Variants in ZC3H12B observed in about 807,000 individuals in gnomAD.
ZC3H12B encodes probable ribonuclease ZC3H12B.
Under a neutral mutation model 43.9 loss-of-function variants are expected in ZC3H12B, and 7 were observed. That is an observed-to-expected ratio of 0.16 (90% CI 0.09 to 0.30). ZC3H12B has a LOEUF of 0.30. Ranked by LOEUF, ZC3H12B falls within the 10% of genes least tolerant of loss-of-function variation. ZC3H12B has a pLI of 1.00. For missense variants in ZC3H12B, 475 were observed against 670.2 expected (o/e 0.71, Z 3.22); for synonymous variants, 222 against 241.7 (o/e 0.92, Z 0.76).
chrX:65,353,998 G>A, the ZC3H12B span, among the ~76,000 whole-genome samples: 1 of 111,545 alleles, frequency 9.0e-6, no homozygotes, highest in African/African-American at 3.3e-5. Flanking sequence ...CATCTCCCTG[G>A]GACAGAGCAC....
At chrX:65,479,350 A>T (rs1435349786) in intron 3 of ZC3H12B, among the ~76,000 whole-genome samples, 1 of 107,642 alleles carries the variant, frequency 9.3e-6, no homozygotes, top group Non-Finnish European at 1.9e-5. Context: ...TTTGTTGTTT[A>T]AATAAACACT....
chrX:65,255,753 A>C, the ZC3H12B span, among the ~76,000 whole-genome samples: 1 of 112,437 alleles, frequency 8.9e-6, no homozygotes, highest in African/African-American at 3.2e-5. Context: ...AAGTTGGATA[A>C]AGAAGCAAGA....
At chrX:65,058,058 C>G in the ZC3H12B span, among the ~76,000 whole-genome samples, 1 of 112,014 alleles carries the variant, frequency 8.9e-6, no homozygotes, top group Non-Finnish European at 1.9e-5. Context: ...GAAGTTTGAT[C>G]GTCTAAAGCT....
At chrX:65,429,816 G>T (rs1475795236) in intron 3 of ZC3H12B, among the ~76,000 whole-genome samples, 2 of 112,191 alleles carry the variant, frequency 1.8e-5, no homozygotes, top group Non-Finnish European at 3.8e-5. Flanking sequence ...CCATAATCTC[G>T]TAAAGCAGCT....
the ZC3H12B span, among the ~76,000 whole-genome samples, chrX:65,192,313 T>C: frequency 8.9e-6 from 1 of 112,080 alleles, no homozygotes; most frequent in Non-Finnish European, 1.9e-5. Context: ...ATAATTTGAC[T>C]TCTTCCATTC....
At chrX:65,458,756 A>G (rs761177765) in intron 3 of ZC3H12B, among the ~76,000 whole-genome samples, 1 of 112,109 alleles carries the variant, frequency 8.9e-6, no homozygotes, top group African/African-American at 3.2e-5. Flanking sequence ...AAGAGAAAGC[A>G]GGAAGGATCG....
intron 3 of ZC3H12B, among the ~76,000 whole-genome samples, chrX:65,475,274 C>T (rs1275370798): frequency 8.9e-6 from 1 of 111,882 alleles, no homozygotes; most frequent in African/African-American, 3.2e-5. Flanking sequence ...TTTCACATCA[C>T]TATTTAGCAT....
At chrX:65,191,079 C>T in the ZC3H12B span, among the ~76,000 whole-genome samples, 1 of 89,788 alleles carries the variant, frequency 1.1e-5, no homozygotes. Context: ...GTCTTTGGCT[C>T]TGTTTATATG....
the ZC3H12B span, among the ~76,000 whole-genome samples, chrX:65,323,750 A>T: frequency 8.9e-6 from 1 of 111,785 alleles, no homozygotes; most frequent in Non-Finnish European, 1.9e-5. Flanking sequence ...CTAGTTCTAG[A>T]TCCTGGAGGA....
chrX:65,496,136 T>C (rs1428397784), intron 1 of ZC3H12B, among the ~76,000 whole-genome samples: 1 of 112,393 alleles, frequency 8.9e-6, no homozygotes, highest in Non-Finnish European at 1.9e-5. Flanking sequence ...AGCTTATACA[T>C]AGGTTTTCTT....
At chrX:65,258,601 T>G in the ZC3H12B span, among the ~76,000 whole-genome samples, 358 of 111,601 alleles carry the variant, frequency 3.2e-3, 2 homozygotes, top group African/African-American at 0.011. Context: ...TAAAGGCTCT[T>G]AAATAGGAAG....
the ZC3H12B span, among the ~76,000 whole-genome samples, chrX:65,100,384 G>T: frequency 9.3e-6 from 1 of 107,016 alleles, no homozygotes; most frequent in South Asian, 4.2e-4. Context: ...AAATACAGAA[G>T]ACACCACTAA....
the ZC3H12B span, among the ~76,000 whole-genome samples, chrX:65,113,500 G>T: frequency 1.8e-5 from 2 of 109,108 alleles, no homozygotes; most frequent in African/African-American, 3.4e-5. Context: ...GGAGTTTGAG[G>T]TTGCAGTGAG....
chrX:65,491,456 C>T (rs1027700706), intron 1 of ZC3H12B, among the ~76,000 whole-genome samples: 4 of 110,979 alleles, frequency 3.6e-5, no homozygotes, highest in South Asian at 3.8e-4. Flanking sequence ...CCTATAATCC[C>T]GACACATTGG....
the ZC3H12B span, chrX:65,331,222 CT>C: frequency 7.3e-6 from 1 of 136,583 alleles, no homozygotes; most frequent in Non-Finnish European, 1.5e-5. Flanking sequence ...TTGGCTCCTC[CT>C]TTGGCATCAT....
chrX:65,314,550 GA>G, the ZC3H12B span, among the ~76,000 whole-genome samples: 2 of 111,996 alleles, frequency 1.8e-5, no homozygotes, highest in African/African-American at 6.5e-5. Context: ...TATATCCAGA[GA>G]AAATATTCTT....
At chrX:65,127,708 G>A in the ZC3H12B span, among the ~76,000 whole-genome samples, 1,723 of 110,678 alleles carry the variant, frequency 0.016, 48 homozygotes, top group African/African-American at 0.054. Flanking sequence ...TGGCTGCTGC[G>A]GAGGATGGGG....
chrX:65,283,957 G>C, the ZC3H12B span, among the ~76,000 whole-genome samples: 1 of 111,339 alleles, frequency 9.0e-6, no homozygotes, highest in Non-Finnish European at 1.9e-5. Context: ...TGGTGTTCGA[G>C]TTACTACTTG....
At chrX:65,381,150 AT>A (rs985918868) in intron 2 of ZC3H12B, among the ~76,000 whole-genome samples, 1 of 111,074 alleles carries the variant, frequency 9.0e-6, no homozygotes, top group African/African-American at 3.3e-5. Context: ...CAGAATATAC[AT>A]TTTTTTCAGC....
Sources: gnomAD v4.1 joint callset for allele counts (sites outside exome capture counted in the v4.1 genomes callset) on GRCh38, gnomAD v4.1.1 for gene constraint, MANE v1.5 for transcripts, NCBI Gene and HGNC (gene_info 2026-07-23, HGNC 2026-07-21) for gene names.